Variants in ZNF628 observed in about 807,000 individuals in gnomAD.
ZNF628 encodes the protein zinc finger protein Zec.
In ZNF628, 3 loss-of-function variants were observed where a neutral mutation model predicts 2.5. The ratio of observed to expected loss-of-function variants is 1.19; its 90% CI spans 0.54 to 3.07. The LOEUF is 3.07. ZNF628 is among the 30% of genes most tolerant of loss of function. The probability of loss-of-function intolerance (pLI) is 0.03; values close to 1 mark genes in which losing one functional copy is unlikely to be tolerated. For missense variants in ZNF628, 1,610 were observed against 1,517.1 expected (o/e 1.06, Z -1.02); for synonymous variants, 861 against 717.1 (o/e 1.20, Z -3.21).
chr19:55,482,274 T>C lies in ZNF628; in HGVS notation c.1081T>C (p.Cys361Arg), dbSNP rs1986740662. 1 of 1,471,172 alleles carries C rather than the reference T, an allele frequency of 6.8e-7. No homozygotes were observed. The highest frequency in any genetic ancestry group is 3.0e-5 in the East Asian group (1 of 33,680). 91.1% of individuals were successfully genotyped at this position (1,471,172 alleles called of 1,614,324 possible). A position where few individuals can be genotyped will look rare whatever the true frequency, so the allele number is the denominator to read the frequency against. The change falls in exon 3 of 3, where the codon TGC (cysteine) becomes CGC (arginine). Residue 361 changes from cysteine to arginine, a missense_variant. Coordinates refer to ENST00000598519, the MANE Select transcript of ZNF628 (RefSeq NM_033113.3). ...CGCGCCTGGCTTTGCCTGTCTGCCC[T>C]GCGGCAAGTCCTTCCGGACGGTGGC... ...APAPGFACLP[C>R]GKSFRTVAGL...
At chr19:55,478,039 A>G (rs540826967) in intron 1 of ZNF628, among the ~76,000 whole-genome samples, 2 of 152,306 alleles carry the variant, frequency 1.3e-5, no homozygotes, top group South Asian at 4.1e-4. Flanking sequence ...ACTGCGGCTA[A>G]GACTCGGAGG....
rs771657134 is a variant in ZNF628 at position 55,483,984 on chromosome 19, G to A, written c.2791G>A (p.Glu931Lys). The change falls in exon 3 of 3, where the codon GAG (glutamate) becomes AAG (lysine). Residue 931 changes from glutamate to lysine, a missense_variant. Physicochemically the swap from Glu to Lys is moderately conservative, Grantham distance 56. Transcript: ENST00000598519. ...CCTCTTTGAGACACTCCAGACGGAC[G>A]AGGGCTTGCAGAGCGTGCTGGTGCT... ...DVLFETLQTD[E>K]GLQSVLVLSG... The A allele has an allele frequency of 2.5e-6, 4 of 1,579,608 alleles. No individual in the cohort carries two copies. The highest frequency in any genetic ancestry group is 3.4e-6 in the Non-Finnish European group (4 of 1,160,838).
Position 55,482,749 on chromosome 19 carries a change from T to G in ZNF628, c.1556T>G (p.Phe519Cys), listed in dbSNP as rs1350215963. The change falls in exon 3 of 3, where the codon TTC becomes TGC. Residue 519 changes from phenylalanine to cysteine, a missense_variant. Transcript: ENST00000598519. ...ACCTGTGGCCAGTGCGGCCTCACCT[T>G]CAAGTGGTCGTCCCACTACCAGTAC... ...AFTCGQCGLT[F>C]KWSSHYQYHL... is the part of the protein sequence containing the mutation. 6.2e-7 allele frequency: 1 copy of G among 1,612,022 alleles called. No individual in the cohort carries two copies. The highest frequency in any genetic ancestry group is 8.5e-7 in the Non-Finnish European group (1 of 1,178,992).
At chr19:55,477,563 A>G (rs1446199967) in intron 1 of ZNF628, among the ~76,000 whole-genome samples, 1 of 151,890 alleles carries the variant, frequency 6.6e-6, no homozygotes, top group Non-Finnish European at 1.5e-5. Flanking sequence ...GGAGTTCAAG[A>G]CCAGCCCAGG....
At position 55,483,573 on chromosome 19, in the gene ZNF628, G is replaced by A. The variant is rs777470525; in HGVS notation, c.2380G>A (p.Gly794Arg). 8.1e-6 allele frequency: 13 copies of A among 1,605,584 alleles called. No individual in the cohort carries two copies. Among genetic ancestry groups the A allele is most frequent in the African/African-American group, 4.0e-5 (3 of 74,798 alleles). The change falls in exon 3 of 3, where the codon GGG (glycine) becomes AGG (arginine). Residue 794 changes from glycine (G) to arginine (R), a missense_variant. Physicochemically the swap from Gly to Arg is moderately radical, Grantham distance 125. Coordinates refer to ENST00000598519, the MANE Select transcript of ZNF628 (RefSeq NM_033113.3). ...VQGAASAGAS[G>R]TGQSLIVLQN... The stretch of plus-strand genomic sequence containing the variant: ...GGGAGCGGCCAGCGCTGGGGCCAGC[G>A]GGACAGGGCAGAGCCTCATCGTTCT...
At chr19:55,478,831 C>T (rs1327013485) in intron 1 of ZNF628, among the ~76,000 whole-genome samples, 1 of 152,106 alleles carries the variant, frequency 6.6e-6, no homozygotes, top group Non-Finnish European at 1.5e-5. Context: ...AGCCTTTGGC[C>T]TGAGGAAGAA....
Position 55,480,037 on chromosome 19 carries a change from G to C in ZNF628, c.7+120G>C, listed in dbSNP as rs190412145. The C allele has an allele frequency of 2.4e-3, 963 of 396,848 alleles. 6 individuals carry two copies. Among genetic ancestry groups the C allele is most frequent in the Non-Finnish European group, 3.6e-3 (810 of 224,902 alleles). The allele number at this position is 396,848 out of a possible 1,614,324, so 24.6% of individuals were successfully genotyped here. A position where few individuals can be genotyped will look rare whatever the true frequency, so the allele number is the denominator to read the frequency against. On this transcript the variant is annotated intron_variant, in intron 2 of 2. Transcript: ENST00000598519. ...AAGTGAGACTGAGGCCAGGCAAGGG[G>C]GTGCCTGTCATGGCCACCTGCAGCG...
chr19:55,480,833 G>A (rs1986680952), intron 2 of ZNF628, among the ~76,000 whole-genome samples: 1 of 152,220 alleles, frequency 6.6e-6, no homozygotes, highest in African/African-American at 2.4e-5. Context: ...GAGGAGCCAG[G>A]AGAGCCTCTC....
rs770025307 is a variant in ZNF628, at chr19:55,482,616, G to A, written c.1423G>A (p.Asp475Asn). 1.2e-6 allele frequency: 2 copies of A among 1,607,680 alleles called. No individual in the cohort carries two copies. The highest frequency in any genetic ancestry group is 1.3e-5 in the African/African-American group (1 of 74,860). ...GSSGLRYHLR[D>N]HTGERPYQCG... is the part of the protein sequence containing the mutation. ...CTCCGGGCTGCGCTACCACCTGCGGGACCACACGGGCGAGCGGCCCTACCA... is the reference window on the plus strand; with the variant it reads ...CTCCGGGCTGCGCTACCACCTGCGGAACCACACGGGCGAGCGGCCCTACCA... Residue 475 changes from aspartate (D) to asparagine (N), a missense_variant, in exon 3 of 3, where the codon GAC becomes AAC. Physicochemically the swap from Asp to Asn is conservative, Grantham distance 23 (BLOSUM62 1). Around this residue, in one of 5 missense-constraint regions of ZNF628, gnomAD observed 651 missense variants for 575.6 expected, o/e 1.13. Coordinates refer to ENST00000598519, the MANE Select transcript of ZNF628 (RefSeq NM_033113.3).
chr19:55,482,754 T>C lies in ZNF628; in HGVS notation c.1561T>C (p.Trp521Arg). 6.2e-7 allele frequency: 1 copy of C among 1,610,372 alleles called. No homozygotes were observed. The highest frequency in any genetic ancestry group is 8.5e-7 in the Non-Finnish European group (1 of 1,178,442). The change falls in exon 3 of 3, where the codon TGG (tryptophan) becomes CGG (arginine). Residue 521 changes from tryptophan (W) to arginine (R), a missense_variant. Coordinates refer to ENST00000598519, the MANE Select transcript of ZNF628 (RefSeq NM_033113.3). The part of the protein sequence containing the change: ...TCGQCGLTFK[W>R]SSHYQYHLRL... ...TGGCCAGTGCGGCCTCACCTTCAAG[T>C]GGTCGTCCCACTACCAGTACCACCT...
Position 55,484,057 on chromosome 19 carries a change from A to G in ZNF628, c.2864A>G (p.Glu955Gly), listed in dbSNP as rs758091696. The G allele has an allele frequency of 1.3e-6, 2 of 1,594,514 alleles. No individual in the cohort carries two copies. The highest frequency in any genetic ancestry group is 3.5e-5 in the Admixed American group (2 of 57,696). ...ACTCGACTCTGCGTACAGGAGGTAG[A>G]AACACTTCCTCCTGGGCTGACGGAG... is the stretch of plus-strand genomic sequence containing the variant. The part of the protein sequence containing the change: ...EQTRLCVQEV[E>G]TLPPGLTEPP... The change falls in exon 3 of 3, where the codon GAA (glutamate) becomes GGA (glycine). Residue 955 changes from glutamate (E) to glycine (G), a missense_variant. By Grantham distance (98) the Glu-to-Gly change is moderately conservative. Transcript: ENST00000598519.
chr19:55,481,523 C>A lies in ZNF628; in HGVS notation c.330C>A (p.His110Gln). Residue 110 changes from histidine (H) to glutamine (Q), a missense_variant, in exon 3 of 3, where the codon CAC (histidine) becomes CAA (glutamine). Around this residue, in one of 5 missense-constraint regions of ZNF628, gnomAD observed 166 missense variants for 241.3 expected, o/e 0.69. Coordinates refer to ENST00000598519, the MANE Select transcript of ZNF628 (RefSeq NM_033113.3). ...AGCGCTCCTCTCTGCTGCAGATCCA[C>A]CGTAGCGTGCACACCGGCCTGCGGG... ...AFKRSSLLQI[H>Q]RSVHTGLRAF... is the part of the protein sequence containing the mutation. 4 of 1,613,372 alleles carry A rather than the reference C, an allele frequency of 2.5e-6. No individual in the cohort carries two copies. Among genetic ancestry groups the A allele is most frequent in the Non-Finnish European group, 3.4e-6 (4 of 1,179,728 alleles).
At chr19:55,476,978 G>A (rs1266033578) in intron 1 of ZNF628, among the ~76,000 whole-genome samples, 171 bp downstream of exon 1, 1 of 152,196 alleles carries the variant, frequency 6.6e-6, no homozygotes, top group African/African-American at 2.4e-5. Context: ...AAAGGGCAAG[G>A]GGCCACATTG....
rs772427940 is a variant in ZNF628, at chr19:55,483,784, C to A, written c.2591C>A (p.Thr864Lys). The change falls in exon 3 of 3, where the codon ACG (threonine) becomes AAG (lysine). Residue 864 changes from threonine (T) to lysine (K), a missense_variant. Coordinates refer to ENST00000598519, the MANE Select transcript of ZNF628 (RefSeq NM_033113.3). ...CTCCAGCCAGCACAGGAGGTGACCA[C>A]GGTCCAGCTCCAGCCCGTGGCCGGC... ...VQLQPAQEVTTVQLQPVAGQL... is the reference protein window; with the variant it reads ...VQLQPAQEVTKVQLQPVAGQL... 6.2e-7 allele frequency: 1 copy of A among 1,613,812 alleles called. No homozygotes were observed. The highest frequency in any genetic ancestry group is 1.1e-5 in the South Asian group (1 of 91,088).
rs1057434288 is a variant in ZNF628, at chr19:55,479,914, T to G, written c.4T>G (p.Ser2Ala). The change falls in exon 2 of 3, where the codon TCA becomes GCA. Residue 2 changes from serine to alanine, a missense_variant. Coordinates refer to ENST00000598519, the MANE Select transcript of ZNF628 (RefSeq NM_033113.3). The surrounding 1 kb of genome is among the most constrained non-coding windows in gnomAD (Gnocchi z 5.1). The stretch of plus-strand genomic sequence containing the variant: ...GGAGGTTTCAGGAGAAAGAAGCATG[T>G]CAGGTAGTCACCTGGGGAGTGCATG... M[S>A]GVMVGSHADM... The G allele has an allele frequency of 1.0e-5, 4 of 400,180 alleles. No individual in the cohort carries two copies. The highest frequency in any genetic ancestry group is 1.8e-5 in the Non-Finnish European group (4 of 226,824). 24.8% of individuals were successfully genotyped at this position (400,180 alleles called of 1,614,324 possible). A position where few individuals can be genotyped will look rare whatever the true frequency, so the allele number is the denominator to read the frequency against.
Position 55,483,152 on chromosome 19 carries a change from C to T in ZNF628, c.1959C>T (p.Thr653=), listed in dbSNP as rs780507059. The change falls in exon 3 of 3, where the codon ACC becomes ACT. Residue 653 remains threonine (T), a synonymous_variant. Transcript: ENST00000598519. ...CCCCGGCCAACACGCCTCCCAGCACCACAGCCCCTGCCGCCGGCCCCCAGC... is the reference window on the plus strand; with the variant it reads ...CCCCGGCCAACACGCCTCCCAGCACTACAGCCCCTGCCGCCGGCCCCCAGC... ...THAPANTPPS[T]TAPAAGPQPP... 9 of 1,569,598 alleles carry T rather than the reference C, an allele frequency of 5.7e-6. No individual in the cohort carries two copies. In the South Asian group the frequency reaches 1.0e-4, roughly 18 times the overall value.
chr19:55,484,373 A>C lies in ZNF628; in HGVS notation c.3180A>C (p.Ter1060CysextTer?). Residue 1060 changes from the stop codon to cysteine, a stop_lost, in exon 3 of 3, where the codon TGA becomes TGC. Transcript: ENST00000598519. Reference protein sequence around the residue: ...LPAVQLVHTF* With the variant: ...LPAVQLVHTFC ...CAGTCCAGCTGGTGCACACGTTTTG[A>C]GGAGAGGCAGTGATTCCCCTCCCGC... 1 of 1,444,202 alleles carries C rather than the reference A, an allele frequency of 6.9e-7. No homozygotes were observed. Among genetic ancestry groups the C allele is most frequent in the Non-Finnish European group, 9.1e-7 (1 of 1,095,602 alleles). The allele number at this position is 1,444,202 out of a possible 1,614,324, so 89.5% of individuals were successfully genotyped here. A position where few individuals can be genotyped will look rare whatever the true frequency, so the allele number is the denominator to read the frequency against.
Position 55,482,327 on chromosome 19 carries a change from CG to C in ZNF628, c.1138del (p.Ala380LeufsTer47). On this transcript the variant is annotated frameshift_variant, in exon 3 of 3. Coordinates refer to ENST00000598519, the MANE Select transcript of ZNF628 (RefSeq NM_033113.3). LOFTEE classifies it low-confidence loss of function (END_TRUNC). Reference protein sequence around the residue: ...AGLSRHQHSHGAAGGQAFRCG... With the variant: ...AGLSRHQHSHXAAGGQAFRCG... ...GGCTCTCCCGCCACCAGCACAGCCACGGGGCTGCCGGCGGGCAAGCGTTCCG... is the reference window on the plus strand; with the variant it reads ...GGCTCTCCCGCCACCAGCACAGCCACGGGCTGCCGGCGGGCAAGCGTTCCG... 6.9e-7 allele frequency: 1 copy of C among 1,459,218 alleles called. No individual in the cohort carries two copies. Among genetic ancestry groups the C allele is most frequent in the South Asian group, 1.3e-5 (1 of 77,022 alleles). The allele number at this position is 1,459,218 out of a possible 1,614,324, so 90.4% of individuals were successfully genotyped here. A position where few individuals can be genotyped will look rare whatever the true frequency, so the allele number is the denominator to read the frequency against.
chr19:55,481,820 C>T lies in ZNF628; in HGVS notation c.627C>T (p.Cys209=). 2 of 1,598,394 alleles carry T rather than the reference C, an allele frequency of 1.3e-6. No individual in the cohort carries two copies. The highest frequency in any genetic ancestry group is 8.5e-7 in the Non-Finnish European group (1 of 1,173,724). ...TGERPFRCPL[C]PKTFTHSSNL... ...AGCGGCCCTTCCGCTGCCCGCTCTG[C>T]CCCAAGACCTTCACCCACTCCTCCA... Residue 209 remains cysteine (C), a synonymous_variant, in exon 3 of 3, where the codon TGC becomes TGT. Transcript: ENST00000598519.
Sources: gnomAD v4.1 joint callset for allele counts (sites outside exome capture counted in the v4.1 genomes callset) on GRCh38, gnomAD v4.1.1 for gene constraint, gnomAD v4.1.1 regional missense constraint, Gnocchi (gnomAD v3.1) non-coding constraint, MANE v1.5 for transcripts, NCBI Gene and HGNC (gene_info 2026-07-23, HGNC 2026-07-21) for gene names.